UGT1A6: variants seen among roughly 807,000 people sequenced by gnomAD.
The protein encoded by UGT1A6 is UDP-glucuronosyltransferase 1A6.
Under a neutral mutation model 44.4 loss-of-function variants are expected in UGT1A6, and 32 were observed. That is an observed-to-expected ratio of 0.72 (90% confidence interval 0.54 to 0.97). The LOEUF (loss-of-function observed/expected upper bound fraction) is 0.97. Ranked by LOEUF, UGT1A6 falls within the 50% of genes least tolerant of loss-of-function variation. UGT1A6 has a pLI of 0.00. For synonymous variants in UGT1A6, 238 were observed against 248.5 expected (o/e 0.96, Z 0.40); for missense variants, 685 against 661.9 (o/e 1.03, Z -0.38).
At chr2:233,696,804 T>C (rs1332294764) in intron 1 of UGT1A6, among the ~76,000 whole-genome samples, 3 of 152,228 alleles carry the variant, frequency 2.0e-5, no homozygotes, top group East Asian at 1.9e-4. Context: ...GTTCCTTCTG[T>C]AGCCAGTTTA....
intron 1 of UGT1A6, among the ~76,000 whole-genome samples, chr2:233,720,881 T>C (rs1341261377): frequency 6.6e-6 from 1 of 150,882 alleles, no homozygotes; most frequent in Non-Finnish European, 1.5e-5. Flanking sequence ...ATTTTTTTTT[T>C]TTTTTTTTTA....
chr2:233,711,430 T>A (rs2076180899), intron 1 of UGT1A6, among the ~76,000 whole-genome samples: 1 of 152,218 alleles, frequency 6.6e-6, no homozygotes, highest in African/African-American at 2.4e-5. Context: ...GTGCTTAGGA[T>A]GCATACAGTT....
chr2:233,749,365 C>A (rs540660100), intron 1 of UGT1A6, among the ~76,000 whole-genome samples: 4 of 151,824 alleles, frequency 2.6e-5, no homozygotes, highest in Admixed American at 1.3e-4. Context: ...GTGACTCTTG[C>A]CCTTTTCTTC....
At chr2:233,748,671 T>A (rs1418795120) in intron 1 of UGT1A6, among the ~76,000 whole-genome samples, 1 of 151,594 alleles carries the variant, frequency 6.6e-6, no homozygotes, top group Non-Finnish European at 1.5e-5. Flanking sequence ...CAGAGAGGGA[T>A]CTGTGCTGAC....
In UGT1A6 at chr2:233,772,933, T is replaced by C. The variant is rs1700557835; in HGVS notation, c.*374T>C. On this transcript the variant is annotated 3_prime_UTR_variant, in exon 5 of 5. Coordinates refer to ENST00000305139, the MANE Select transcript of UGT1A6 (RefSeq NM_001072.4). ...ACTGCAAATGGCAGTTTTAATCTTA[T>C]CTTTTGGCTTCTGCAGATGGTTGCA... is the stretch of plus-strand genomic sequence containing the variant. 2 of 341,712 alleles carry C rather than the reference T, an allele frequency of 5.9e-6. No homozygotes were observed. Among genetic ancestry groups the C allele is most frequent in the East Asian group, 7.7e-5 (1 of 13,004 alleles). The allele number at this position is 341,712 out of a possible 1,614,324, so 21.2% of individuals were successfully genotyped here.
At chr2:233,750,245 C>A (rs1694403636) in intron 1 of UGT1A6, among the ~76,000 whole-genome samples, 1 of 151,900 alleles carries the variant, frequency 6.6e-6, no homozygotes, top group South Asian at 2.1e-4. Context: ...GGAACTGGAA[C>A]AAAGGTCACC....
At chr2:233,755,059 C>G (rs773771831) in intron 1 of UGT1A6, 6 of 1,335,122 alleles carry the variant, frequency 4.5e-6, no homozygotes, top group Admixed American at 3.8e-5. Context: ...TCCGCCCTCG[C>G]CTCGCCATAG....
At chr2:233,712,095 A>G (rs1426604631) in intron 1 of UGT1A6, among the ~76,000 whole-genome samples, 2 of 152,252 alleles carry the variant, frequency 1.3e-5, no homozygotes, top group African/African-American at 2.4e-5. Flanking sequence ...ATGAATGGAC[A>G]CTTCAGTCTC....
intron 1 of UGT1A6, chr2:233,713,166 G>A: frequency 6.2e-7 from 1 of 1,614,238 alleles, no homozygotes. Context: ...CCACCAGGTG[G>A]TGGTCCTCAC....
At chr2:233,693,942 C>G in intron 1 of UGT1A6, 77 bp downstream of exon 1, 1 of 1,601,216 alleles carries the variant, frequency 6.2e-7, no homozygotes, top group Non-Finnish European at 8.5e-7. Flanking sequence ...GCTCCTTGAG[C>G]CGACTGTCCC....
chr2:233,771,498 A>G (rs1006234323), intron 4 of UGT1A6: 3 of 152,314 alleles, frequency 2.0e-5, no homozygotes, highest in Non-Finnish European at 4.4e-5. Flanking sequence ...TAATGTTTCA[A>G]TGACTGAATT....
At chr2:233,706,339 C>T (rs1257553427) in intron 1 of UGT1A6, among the ~76,000 whole-genome samples, 2 of 152,090 alleles carry the variant, frequency 1.3e-5, no homozygotes, top group Admixed American at 6.5e-5. Context: ...AGCTGGTGAC[C>T]CTGAAAAAAC....
chr2:233,693,118 C>G lies in UGT1A6; in HGVS notation c.114C>G (p.His38Gln). Residue 38 changes from histidine to glutamine, a missense_variant, in exon 1 of 5, where the codon CAC (histidine) becomes CAG (glutamine). Physicochemically the swap from His to Gln is conservative, Grantham distance 24. Transcript: ENST00000305139. ...KLLVVPQDGS[H>Q]WLSMKDIVEV... ...TGGTGGTCCCTCAGGACGGAAGCCA[C>G]TGGCTTAGTATGAAGGATATAGTTG... The G allele has an allele frequency of 6.2e-7, 1 of 1,614,176 alleles. No individual in the cohort carries two copies. Among genetic ancestry groups the G allele is most frequent in the Non-Finnish European group, 8.5e-7 (1 of 1,180,048 alleles).
chr2:233,722,838 A>C (rs192371212), intron 1 of UGT1A6, among the ~76,000 whole-genome samples: 12 of 132,374 alleles, frequency 9.1e-5, no homozygotes, highest in African/African-American at 2.9e-4. Flanking sequence ...TTATAATAAG[A>C]ATGTTTCTTT....
intron 1 of UGT1A6, chr2:233,718,717 C>T (rs1286763118): frequency 2.5e-5 from 40 of 1,608,524 alleles, no homozygotes; most frequent in Non-Finnish European, 3.2e-5. Context: ...CAATTACATG[C>T]TGATTTGCTA....
chr2:233,695,617 T>G (rs1477124343), intron 1 of UGT1A6, among the ~76,000 whole-genome samples: 1 of 152,064 alleles, frequency 6.6e-6, no homozygotes, highest in Non-Finnish European at 1.5e-5. Context: ...CAATGAACTC[T>G]CTACCTCCAT....
At chr2:233,729,203 C>T in intron 1 of UGT1A6, 1 of 1,614,022 alleles carries the variant, frequency 6.2e-7, no homozygotes, top group Non-Finnish European at 8.5e-7. Flanking sequence ...CAGCCCTGGG[C>T]TGAGAGTGGA....
intron 1 of UGT1A6, among the ~76,000 whole-genome samples, chr2:233,694,880 G>A (rs997680070): frequency 2.0e-5 from 3 of 152,156 alleles, no homozygotes; most frequent in Non-Finnish European, 2.9e-5. Context: ...TACACATTTG[G>A]GGGGTTCATG....
At chr2:233,717,742 G>C (rs956280434) in intron 1 of UGT1A6, 27 of 456,394 alleles carry the variant, frequency 5.9e-5, no homozygotes, top group Non-Finnish European at 1.1e-4. Context: ...GAGTGCTCAG[G>C]GTCTCCCCCT....
Sources: allele counts gnomAD v4.1 joint callset (sites outside exome capture counted in the v4.1 genomes callset), GRCh38; gene constraint gnomAD v4.1.1; transcripts MANE v1.5; gene names NCBI Gene and HGNC (gene_info 2026-07-23, HGNC 2026-07-21).